RMDN2: variants seen among roughly 807,000 people sequenced by gnomAD.
RMDN2 encodes the protein regulator of microtubule dynamics 2.
RMDN2 carries 61 observed loss-of-function variants against 52.8 expected under a neutral mutation model. The ratio of observed to expected loss-of-function variants is 1.16; its 90% CI spans 0.94 to 1.43. RMDN2 has a LOEUF of 1.43. RMDN2 is among the 40% of genes most tolerant of loss of function. The pLI is 0.00. For synonymous variants in RMDN2, 180 were observed against 153.1 expected (o/e 1.18, Z -1.30); for missense variants, 592 against 475.3 (o/e 1.25, Z -2.28).
At chr2:37,936,990 T>C (rs796234226) in intron 2 of RMDN2, among the ~76,000 whole-genome samples, 24 of 152,362 alleles carry the variant, frequency 1.6e-4, no homozygotes, top group African/African-American at 5.5e-4. Context: ...CTGAATGATA[T>C]TGCCCAGGTT....
Position 38,017,410 on chromosome 2 carries a change from T to G in RMDN2, c.*171T>G, listed in dbSNP as rs1678954250. The G allele has an allele frequency of 7.5e-7, 1 of 1,327,846 alleles. No homozygotes were observed. Among genetic ancestry groups the G allele is most frequent in the African/African-American group, 1.5e-5 (1 of 67,212 alleles). 82.3% of individuals were successfully genotyped at this position (1,327,846 alleles called of 1,614,324 possible). A position where few individuals can be genotyped will look rare whatever the true frequency, so the allele number is the denominator to read the frequency against. On this transcript the variant is annotated 3_prime_UTR_variant, in exon 11 of 11. Coordinates refer to ENST00000354545, the MANE Select transcript of RMDN2 (RefSeq NM_001170791.3). ...CCACTAGTAGCACTACAAAATTAAT[T>G]ATGTTATTTGGAGAATCTATATACT...
At chr2:37,920,935 C>T (rs970407155), upstream of RMDN2, among the ~76,000 whole-genome samples, 24 of 152,288 alleles carry the variant, frequency 1.6e-4, no homozygotes, top group Middle Eastern at 3.4e-3. Flanking sequence ...CGAAATACTG[C>T]GGAAAACCAC....
chr2:38,025,967 G>A (rs895369416), intron 10 of RMDN2, among the ~76,000 whole-genome samples: 1 of 152,052 alleles, frequency 6.6e-6, no homozygotes, highest in African/African-American at 2.4e-5. Context: ...TTCAGAGAAT[G>A]AGTTGAAAAG....
chr2:38,043,657 C>T (rs1681097814), intron 10 of RMDN2, among the ~76,000 whole-genome samples: 2 of 151,886 alleles, frequency 1.3e-5, no homozygotes, highest in South Asian at 4.1e-4. Context: ...ATAATTCTTT[C>T]AAGAAACATT....
chr2:38,062,883 C>A (rs997302421), intron 10 of RMDN2, among the ~76,000 whole-genome samples: 1 of 150,610 alleles, frequency 6.6e-6, no homozygotes, highest in African/African-American at 2.4e-5. Flanking sequence ...TTTTTTGTCC[C>A]TGCCATAGTT....
intron 10 of RMDN2, among the ~76,000 whole-genome samples, chr2:38,014,635 T>C (rs1460336927): frequency 1.3e-5 from 2 of 152,218 alleles, no homozygotes; most frequent in Non-Finnish European, 2.9e-5. Context: ...ATCCAGTCTT[T>C]AGCAGAGAGC....
At chr2:37,971,651 G>A (rs1328964918) in intron 2 of RMDN2, among the ~76,000 whole-genome samples, 1 of 152,062 alleles carries the variant, frequency 6.6e-6, no homozygotes, top group Non-Finnish European at 1.5e-5. Flanking sequence ...ACTCTCCCAT[G>A]TACCACATTT....
intron 10 of RMDN2, among the ~76,000 whole-genome samples, chr2:38,014,512 G>A (rs1678470099): frequency 6.6e-6 from 1 of 151,802 alleles, no homozygotes; most frequent in South Asian, 2.1e-4. Flanking sequence ...CATCAGTTTG[G>A]GACTAGCTGT....
intron 10 of RMDN2, among the ~76,000 whole-genome samples, chr2:38,047,445 T>A (rs1339274983): frequency 1.4e-4 from 22 of 152,212 alleles, no homozygotes; most frequent in Admixed American, 1.4e-3. Flanking sequence ...ACAAAAAATG[T>A]ACTACTGATA....
At chr2:38,016,226 T>A (rs1678761518) in intron 10 of RMDN2, among the ~76,000 whole-genome samples, 1 of 152,218 alleles carries the variant, frequency 6.6e-6, no homozygotes, top group African/African-American at 2.4e-5. Context: ...ATGAAGGTAT[T>A]TGAGCAAGGC....
chr2:37,929,257 T>G lies in RMDN2; in HGVS notation c.-16-5T>G. ...ATTCATTTACATTTATGTTTTTAAT[T>G]TTAGAAACGAAAACCAAGAAATGCC... On this transcript the variant is annotated splice_region_variant and splice_polypyrimidine_tract_variant and intron_variant, in intron 1 of 10. Coordinates refer to ENST00000354545, the MANE Select transcript of RMDN2 (RefSeq NM_001170791.3). 2.1e-6 allele frequency: 3 copies of G among 1,456,884 alleles called. No individual in the cohort carries two copies. The highest frequency in any genetic ancestry group is 2.5e-5 in the East Asian group (1 of 40,054). 90.2% of individuals were successfully genotyped at this position (1,456,884 alleles called of 1,614,324 possible). A position where few individuals can be genotyped will look rare whatever the true frequency, so the allele number is the denominator to read the frequency against.
chr2:37,952,607 A>T, intron 2 of RMDN2: 1 of 247,864 alleles, frequency 4.0e-6, no homozygotes. Context: ...TAGAAATAGT[A>T]TTCTTACATA....
chr2:37,961,310 C>G (rs1439715842), intron 2 of RMDN2, among the ~76,000 whole-genome samples: 1 of 152,104 alleles, frequency 6.6e-6, no homozygotes. Context: ...TTCTCCCTAT[C>G]ACTTTCAGGT....
At chr2:37,947,784 A>G (rs13026972) in intron 2 of RMDN2, among the ~76,000 whole-genome samples, 8,842 of 152,332 alleles carry the variant, frequency 0.058, 354 homozygotes, top group Middle Eastern at 0.1. Flanking sequence ...AATAATGTAG[A>G]AAAACTTAAA....
rs568508388 is a variant in RMDN2, at chr2:37,929,934, TA to T, written c.452+211del. 1.4e-4 allele frequency among the ~76,000 whole-genome samples: 21 copies of T among 152,338 alleles called. No homozygotes were observed. In the South Asian group the frequency reaches 4.3e-3, roughly 32 times the overall value. On this transcript the variant is annotated intron_variant, in intron 2 of 10. Coordinates refer to ENST00000354545, the MANE Select transcript of RMDN2 (RefSeq NM_001170791.3). ...TTAGACCATATTGACAAAAGGAATA[TA>T]AAAAACTTACTGGTAGCAGGTGGTA... is the stretch of plus-strand genomic sequence containing the variant.
At chr2:37,997,212 A>G (rs1675672268) in intron 7 of RMDN2, among the ~76,000 whole-genome samples, 1 of 152,180 alleles carries the variant, frequency 6.6e-6, no homozygotes, top group Admixed American at 6.5e-5. Flanking sequence ...ATTGTGAAAA[A>G]GGAAGGTAAA....
At chr2:37,953,382 CTACTT>C (rs1250620770) in intron 2 of RMDN2, among the ~76,000 whole-genome samples, 2 of 151,988 alleles carry the variant, frequency 1.3e-5, no homozygotes. Context: ...AACCATCACT[CTACTT>C]TATGTCTATG....
intron 10 of RMDN2, among the ~76,000 whole-genome samples, chr2:38,012,264 C>G (rs974772363): frequency 2.8e-4 from 42 of 152,200 alleles, no homozygotes; most frequent in Non-Finnish European, 7.3e-5. Flanking sequence ...ACTTCCTTGA[C>G]GCCTGCTGGC....
At chr2:38,029,410 C>T (rs1166041375) in intron 10 of RMDN2, 6 of 152,106 alleles carry the variant, frequency 3.9e-5, no homozygotes, top group Admixed American at 2.6e-4. Flanking sequence ...TGTGCTCTCA[C>T]CCACCTCAAA....
Sources: gnomAD v4.1 joint callset for allele counts (sites outside exome capture counted in the v4.1 genomes callset) on GRCh38, gnomAD v4.1.1 for gene constraint, MANE v1.5 for transcripts, NCBI Gene and HGNC (gene_info 2026-07-23, HGNC 2026-07-21) for gene names.